Variants in TTI1 observed in about 807,000 individuals in gnomAD.
TTI1 encodes the protein TELO2-interacting protein 1 homolog.
A neutral mutation model predicts 85.4 loss-of-function variants in TTI1; 52 were observed. That is an observed-to-expected ratio of 0.61 (90% CI 0.49 to 0.77). TTI1 has a LOEUF of 0.77. Ranked by LOEUF, TTI1 falls within the 30% of genes least tolerant of loss-of-function variation. TTI1 has a pLI of 0.00. For synonymous variants in TTI1, 512 were observed against 503.9 expected, an observed-to-expected ratio of 1.02 and a Z score of -0.22; for missense variants, 1,173 against 1,296.0, an observed-to-expected ratio of 0.91 and a Z score of 1.46.
chr20:38,026,330 T>C (rs1173172660), intron 1 of TTI1, among the ~76,000 whole-genome samples: 5 of 152,148 alleles, frequency 3.3e-5, no homozygotes, highest in African/African-American at 1.2e-4. Flanking sequence ...CGGCTAATTT[T>C]TGTAGTTTTA....
intron 1 of TTI1, among the ~76,000 whole-genome samples, chr20:38,019,937 T>C (rs1177239390): frequency 6.6e-6 from 1 of 152,154 alleles, no homozygotes; most frequent in Non-Finnish European, 1.5e-5. Context: ...ACAAAAATTG[T>C]CCCTGGATTT....
chr20:38,012,831 G>C lies in TTI1; in HGVS notation c.986C>G (p.Ala329Gly), dbSNP rs1380247653. 2 of 1,614,138 alleles carry C rather than the reference G, an allele frequency of 1.2e-6. No individual in the cohort carries two copies. Among genetic ancestry groups the C allele is most frequent in the South Asian group, 2.2e-5 (2 of 91,080 alleles). Reference sequence around the variant, plus strand: ...CACTAAGGCCTTCAGAAGGGGACCAGCACATTCGACCAATGATTGACTGCA... The same window carrying C: ...CACTAAGGCCTTCAGAAGGGGACCACCACATTCGACCAATGATTGACTGCA... The part of the protein sequence containing the change: ...LKCSQSLVEC[A>G]GPLLKALVGL... The change falls in exon 2 of 8, where the codon GCT (alanine) becomes GGT (glycine). Residue 329 changes from alanine (A) to glycine (G), a missense_variant. Coordinates refer to ENST00000373447, the MANE Select transcript of TTI1 (RefSeq NM_001303457.2).
intron 6 of TTI1, 36 bp downstream of exon 6, chr20:37,996,713 A>AGT (rs1162851069): frequency 3.2e-6 from 5 of 1,577,044 alleles, no homozygotes; most frequent in Non-Finnish European, 8.6e-7. Flanking sequence ...ACAGATGCTA[A>AGT]GTGTGTGTGT....
rs1236497806 is a variant in TTI1, at chr20:38,012,140, A to G, written c.1677T>C (p.Ser559=). 89 of 1,614,098 alleles carry G rather than the reference A, an allele frequency of 5.5e-5. No homozygotes were observed. The highest frequency in any genetic ancestry group is 7.0e-5 in the Non-Finnish European group (83 of 1,180,044). The change falls in exon 2 of 8, where the codon TCT becomes TCC. Residue 559 remains serine, a synonymous_variant. Transcript: ENST00000373447. ...NPEELREIVT[S]ILEEYTSQEN... ...CTTGACTTGTGTATTCTTCAAGTATAGATGTCACAATCTCTCTCAGTTCTT... is the reference window on the plus strand; with the variant it reads ...CTTGACTTGTGTATTCTTCAAGTATGGATGTCACAATCTCTCTCAGTTCTT...
intron 7 of TTI1, among the ~76,000 whole-genome samples, chr20:37,990,368 T>C (rs368293853): frequency 8.5e-5 from 13 of 152,360 alleles, no homozygotes; most frequent in Middle Eastern, 3.4e-3. Flanking sequence ...GTCGTCATTG[T>C]AGTAGGTGAA....
At chr20:38,021,659 C>T (rs577947750) in intron 1 of TTI1, among the ~76,000 whole-genome samples, 6 of 152,254 alleles carry the variant, frequency 3.9e-5, no homozygotes, top group African/African-American at 1.4e-4. Flanking sequence ...TTTAGTGGCC[C>T]TCCACTGTGG....
intron 4 of TTI1, among the ~76,000 whole-genome samples, chr20:38,001,830 T>C (rs531880563): frequency 9.2e-5 from 14 of 152,324 alleles, no homozygotes; most frequent in Admixed American, 2.0e-4. Context: ...GCGATTCTCC[T>C]GCCTCGGCCT....
At chr20:38,015,630 A>G (rs751470430) in intron 1 of TTI1, among the ~76,000 whole-genome samples, 3 of 152,222 alleles carry the variant, frequency 2.0e-5, no homozygotes, top group Non-Finnish European at 4.4e-5. Context: ...AAAGAGGCAG[A>G]TAAGAATTTT....
rs1004551560 is a variant in TTI1 at position 37,983,240 on chromosome 20, C to A, written c.*216G>T. The stretch of plus-strand genomic sequence containing the variant: ...CCCTTAGAGCCACCAGACAATGTCA[C>A]TTGACAACACAAGGTATGAAACATA... On this transcript the variant is annotated 3_prime_UTR_variant, in exon 8 of 8. Transcript: ENST00000373447. The A allele has an allele frequency of 9.5e-6, 5 of 524,422 alleles. No homozygotes were observed. The African/African-American group carries it at 9.8e-5, about 10-fold the overall frequency. The allele number at this position is 524,422 out of a possible 1,614,324, so 32.5% of individuals were successfully genotyped here. A position where few individuals can be genotyped will look rare whatever the true frequency, so the allele number is the denominator to read the frequency against.
At chr20:38,026,550 A>G (rs2073838675) in intron 1 of TTI1, among the ~76,000 whole-genome samples, 1 of 152,226 alleles carries the variant, frequency 6.6e-6, no homozygotes, top group Non-Finnish European at 1.5e-5. Flanking sequence ...ACAAACAAAC[A>G]GTCAACGCAG....
At chr20:37,984,746 T>G (rs2073168641) in intron 7 of TTI1, among the ~76,000 whole-genome samples, 1 of 152,166 alleles carries the variant, frequency 6.6e-6, no homozygotes, top group Admixed American at 6.5e-5. Flanking sequence ...TATTGACCAT[T>G]GATTGTCTCC....
Position 37,983,341 on chromosome 20 carries a change from A to T in TTI1, c.*115T>A. ...CGATCAATTTATAAATCGATTGGCT[A>T]ACTAATTCACCTTCTCTGCTGCCGC... On this transcript the variant is annotated 3_prime_UTR_variant, in exon 8 of 8. Transcript: ENST00000373447. 9.7e-7 allele frequency: 1 copy of T among 1,031,616 alleles called. No individual in the cohort carries two copies. The highest frequency in any genetic ancestry group is 1.4e-6 in the Non-Finnish European group (1 of 724,332). 63.9% of individuals were successfully genotyped at this position (1,031,616 alleles called of 1,614,324 possible). A position where few individuals can be genotyped will look rare whatever the true frequency, so the allele number is the denominator to read the frequency against.
intron 7 of TTI1, among the ~76,000 whole-genome samples, chr20:37,989,336 C>T (rs6123245): frequency 2.0e-5 from 3 of 152,116 alleles, no homozygotes; most frequent in Admixed American, 6.5e-5. Flanking sequence ...GACTTAAAAC[C>T]GTAAACACCA....
intron 1 of TTI1, among the ~76,000 whole-genome samples, chr20:38,019,399 T>G (rs997206474): frequency 2.0e-5 from 3 of 152,140 alleles, no homozygotes; most frequent in Non-Finnish European, 2.9e-5. Context: ...ACAAGAATAA[T>G]TCACAAAAGG....
chr20:38,002,326 C>A (rs960174000), intron 4 of TTI1, among the ~76,000 whole-genome samples: 1 of 152,190 alleles, frequency 6.6e-6, no homozygotes, highest in Non-Finnish European at 1.5e-5. Flanking sequence ...CTGCATCCTA[C>A]ATAGCTGAGA....
At position 38,012,807 on chromosome 20, in the gene TTI1, A is replaced by C. The variant is rs775696245; in HGVS notation, c.1010T>G (p.Val337Gly). ...ECAGPLLKALVGLVNDESPEI... is the reference protein window; with the variant it reads ...ECAGPLLKALGGLVNDESPEI... ...AGGACTCTCATCATTTACTAGTCCCACTAAGGCCTTCAGAAGGGGACCAGC... is the reference window on the plus strand; with the variant it reads ...AGGACTCTCATCATTTACTAGTCCCCCTAAGGCCTTCAGAAGGGGACCAGC... The change falls in exon 2 of 8, where the codon GTG becomes GGG. Residue 337 changes from valine to glycine, a missense_variant. Transcript: ENST00000373447. 1 of 1,614,192 alleles carries C rather than the reference A, an allele frequency of 6.2e-7. No individual in the cohort carries two copies. The highest frequency in any genetic ancestry group is 2.2e-5 in the East Asian group (1 of 44,888).
rs776454654 is a variant in TTI1 at position 38,012,702 on chromosome 20, T to G, written c.1115A>C (p.Asp372Ala). The change falls in exon 2 of 8, where the codon GAC becomes GCC. Residue 372 changes from aspartate to alanine, a missense_variant. Asp to Ala is a moderately radical substitution (Grantham distance 126, BLOSUM62 -2). Coordinates refer to ENST00000373447, the MANE Select transcript of TTI1 (RefSeq NM_001303457.2). ...GGAATGCAGGCTTTCTGACAAGATGTCAGCGAGGGCTTTGTTGCCCACCAC... is the reference window on the plus strand; with the variant it reads ...GGAATGCAGGCTTTCTGACAAGATGGCAGCGAGGGCTTTGTTGCCCACCAC... ...KVVVGNKALA[D>A]ILSESLHSLA... 1 of 1,614,232 alleles carries G rather than the reference T, an allele frequency of 6.2e-7. No homozygotes were observed. Among genetic ancestry groups the G allele is most frequent in the Admixed American group, 1.7e-5 (1 of 60,024 alleles).
In TTI1 at chr20:37,983,386, G is replaced by A. The variant is rs1284058034; in HGVS notation, c.*70C>T. The A allele has an allele frequency of 3.3e-6, 5 of 1,515,104 alleles. No individual in the cohort carries two copies. In the African/African-American group the frequency reaches 4.2e-5, roughly 13 times the overall value. 93.9% of individuals were successfully genotyped at this position (1,515,104 alleles called of 1,614,324 possible). On this transcript the variant is annotated 3_prime_UTR_variant, in exon 8 of 8. Coordinates refer to ENST00000373447, the MANE Select transcript of TTI1 (RefSeq NM_001303457.2). ...TGCCGCTGCCACCGCCTATGGCCGG[G>A]GTGGGGTCAGCCCAGCTTCTGGCTG...
chr20:37,996,978 T>G, intron 5 of TTI1, 25 bp from the exon 6 acceptor site: 2 of 1,606,740 alleles, frequency 1.2e-6, no homozygotes, highest in Non-Finnish European at 1.7e-6. Context: ...TCCAACCTGG[T>G]GAGTGAACAT....
Sources: gnomAD v4.1 joint callset for allele counts (sites outside exome capture counted in the v4.1 genomes callset) on GRCh38, gnomAD v4.1.1 for gene constraint, MANE v1.5 for transcripts, NCBI Gene and HGNC (gene_info 2026-07-23, HGNC 2026-07-21) for gene names.